Variants in ERCC6L2 observed in about 807,000 individuals in gnomAD.
ERCC6L2 encodes ERCC excision repair 6 like 2.
ERCC6L2 carries 77 observed loss-of-function variants against 132.0 expected under a neutral mutation model. The observed-to-expected ratio is 0.58, with a 90% CI of 0.49 to 0.71. The LOEUF is 0.71. ERCC6L2 is among the 30% of genes least tolerant of loss of function. ERCC6L2 has a pLI of 0.00. For missense variants in ERCC6L2, 1,542 were observed against 1,837.6 expected, an observed-to-expected ratio of 0.84 and a Z score of 2.94; for synonymous variants, 583 against 632.4, an observed-to-expected ratio of 0.92 and a Z score of 1.17.
intron 12 of ERCC6L2, among the ~76,000 whole-genome samples, chr9:95,946,984 C>T (rs578089960): frequency 6.1e-4 from 93 of 152,174 alleles, no homozygotes; most frequent in Middle Eastern, 3.2e-3. Context: ...CCTTGGGCCT[C>T]CCTCTTCCCT....
chr9:95,973,432 G>A (rs2133086423), intron 16 of ERCC6L2, among the ~76,000 whole-genome samples: 1 of 152,214 alleles, frequency 6.6e-6, no homozygotes, highest in African/African-American at 2.4e-5. Context: ...CTGTTTTCAT[G>A]CTGCTGATAA....
At chr9:95,900,231 T>C (rs1023026518) in intron 3 of ERCC6L2, among the ~76,000 whole-genome samples, 1 of 151,792 alleles carries the variant, frequency 6.6e-6, no homozygotes, top group African/African-American at 2.4e-5. Context: ...AATAAAAAAA[T>C]AAAACAATTA....
chr9:96,005,999 C>A (rs774005083), intron 18 of ERCC6L2, among the ~76,000 whole-genome samples: 6 of 152,066 alleles, frequency 3.9e-5, no homozygotes, highest in Non-Finnish European at 8.8e-5. Context: ...ATGGGGAAAA[C>A]CAGAGAGAAA....
intron 6 of ERCC6L2, among the ~76,000 whole-genome samples, chr9:95,917,504 C>G (rs1235767890): frequency 3.9e-5 from 6 of 152,108 alleles, no homozygotes; most frequent in Admixed American, 1.3e-4. Flanking sequence ...TATTGATATG[C>G]AAGTTGGGGA....
At chr9:96,001,758 G>A (rs1002791884) in intron 17 of ERCC6L2, among the ~76,000 whole-genome samples, 3 of 152,248 alleles carry the variant, frequency 2.0e-5, no homozygotes, top group Non-Finnish European at 2.9e-5. Flanking sequence ...ACTGGGCGCC[G>A]TGGAGCAGGG....
At chr9:95,887,708 A>C (rs146329679) in intron 2 of ERCC6L2, among the ~76,000 whole-genome samples, 3 of 152,322 alleles carry the variant, frequency 2.0e-5, no homozygotes, top group South Asian at 2.1e-4. Context: ...ATTGCTGATA[A>C]TTAAAGGTTT....
chr9:95,892,351 G>A (rs918679093), intron 2 of ERCC6L2, among the ~76,000 whole-genome samples: 9 of 150,240 alleles, frequency 6.0e-5, no homozygotes, highest in African/African-American at 2.2e-4. Context: ...AATATCTGTA[G>A]GATAGAATTC....
At chr9:96,040,461 G>A (rs1481091164) in intron 20 of ERCC6L2, among the ~76,000 whole-genome samples, 1 of 152,190 alleles carries the variant, frequency 6.6e-6, no homozygotes, top group Non-Finnish European at 1.5e-5. Context: ...CTGATTCCAG[G>A]CAAGTCTGAA....
Position 95,972,311 on chromosome 9 carries a change from A to T in ERCC6L2, c.2560A>T (p.Ile854Phe). The T allele has an allele frequency of 1.5e-6, 2 of 1,293,706 alleles. No individual in the cohort carries two copies. Among genetic ancestry groups the T allele is most frequent in the Non-Finnish European group, 2.0e-6 (2 of 985,890 alleles). The allele number at this position is 1,293,706 out of a possible 1,614,324, so 80.1% of individuals were successfully genotyped here. The change falls in exon 16 of 19, where the codon ATC becomes TTC. Residue 854 changes from isoleucine to phenylalanine, a missense_variant. Physicochemically the swap from Ile to Phe is conservative, Grantham distance 21 (BLOSUM62 0). Around this residue, in one of 4 missense-constraint regions of ERCC6L2, gnomAD observed 945 missense variants for 1,105.2 expected, o/e 0.86. Transcript: ENST00000653738. ...TTCAAAACATCAGAAATTAGATAAC[A>T]TCCTAAATCCAAAAGAAAAGCATAT... The part of the protein sequence containing the change: ...GTSKHQKLDN[I>F]LNPKEKHIFY...
intron 17 of ERCC6L2, among the ~76,000 whole-genome samples, chr9:96,003,901 T>TA: frequency 1.3e-5 from 2 of 152,332 alleles, no homozygotes; most frequent in Middle Eastern, 3.4e-3. Flanking sequence ...CTGTATAAAG[T>TA]TTATTTTTCT....
At chr9:95,926,241 G>T (rs775519705) in intron 9 of ERCC6L2, among the ~76,000 whole-genome samples, 6 of 152,084 alleles carry the variant, frequency 3.9e-5, no homozygotes, top group Non-Finnish European at 8.8e-5. Flanking sequence ...ATATGATCCC[G>T]CAATTGTGCC....
chr9:95,956,035 T>C, intron 13 of ERCC6L2, 22 bp downstream of exon 13: 5 of 1,412,580 alleles, frequency 3.5e-6, no homozygotes, highest in Non-Finnish European at 4.9e-6. Context: ...TCCCTTTTTC[T>C]GTTTCAGAGG....
intron 12 of ERCC6L2, among the ~76,000 whole-genome samples, chr9:95,948,337 A>G (rs776098653): frequency 6.6e-6 from 1 of 152,216 alleles, no homozygotes; most frequent in South Asian, 2.1e-4. Context: ...TGATGTGACT[A>G]AATTGTTGCA....
intron 17 of ERCC6L2, among the ~76,000 whole-genome samples, chr9:95,995,994 AC>A (rs1414640174): frequency 1.3e-5 from 2 of 152,250 alleles, no homozygotes; most frequent in Non-Finnish European, 2.9e-5. Flanking sequence ...GAAGAGTCTC[AC>A]ATCTCTCACA....
chr9:95,877,239 T>C (rs1306978959), intron 1 of ERCC6L2: 5 of 152,210 alleles, frequency 3.3e-5, no homozygotes, highest in African/African-American at 1.2e-4. Flanking sequence ...GTTTGGATAC[T>C]GAGAGATTCC....
At chr9:96,021,886 C>G (rs932546434), downstream of ERCC6L2, 1 of 152,420 alleles carries the variant, frequency 6.6e-6, no homozygotes, top group African/African-American at 2.4e-5. This position sits in a 1 kb window ranked among gnomAD's most constrained non-coding sequence, Gnocchi z 4.7. Context: ...TAGGGGGTTC[C>G]GAGCGCAGCG....
chr9:96,025,893 C>A (rs1834353575), intron 19 of ERCC6L2: 1 of 152,182 alleles, frequency 6.6e-6, no homozygotes, highest in Non-Finnish European at 1.5e-5. Context: ...AAACACACCT[C>A]CCCCCTCAGA....
intron 4 of ERCC6L2, among the ~76,000 whole-genome samples, chr9:95,909,534 C>T (rs1248429374): frequency 6.6e-6 from 1 of 152,158 alleles, no homozygotes; most frequent in African/African-American, 2.4e-5. Flanking sequence ...TATTACGGAG[C>T]ATGTCAATGG....
At chr9:96,031,993 C>G (rs965701458) in intron 19 of ERCC6L2, among the ~76,000 whole-genome samples, 4 of 152,190 alleles carry the variant, frequency 2.6e-5, no homozygotes, top group African/African-American at 9.7e-5. Context: ...AATCACAAGC[C>G]CTCAACCTGT....
Sources: allele counts gnomAD v4.1 joint callset (sites outside exome capture counted in the v4.1 genomes callset), GRCh38; gene constraint gnomAD v4.1.1; regional missense constraint gnomAD v4.1.1; non-coding constraint Gnocchi (gnomAD v3.1); transcripts MANE v1.5; gene names NCBI Gene and HGNC (gene_info 2026-07-23, HGNC 2026-07-21).